Variants in KCNQ1 observed in about 807,000 individuals in gnomAD.
KCNQ1 encodes potassium voltage-gated channel subfamily KQT member 1.
A neutral mutation model predicts 72.4 loss-of-function variants in KCNQ1; 49 were observed. The ratio of observed to expected loss-of-function variants is 0.68; its 90% confidence interval spans 0.54 to 0.86. The LOEUF is 0.86. Ranked by LOEUF, KCNQ1 falls within the 40% of genes least tolerant of loss-of-function variation. The probability of loss-of-function intolerance (pLI) is 0.00; values close to 1 mark genes in which losing one functional copy is unlikely to be tolerated. For missense variants in KCNQ1, 790 were observed against 945.1 expected (o/e 0.84, Z 2.15); for synonymous variants, 450 against 412.6 (o/e 1.09, Z -1.10).
intron 1 of KCNQ1, among the ~76,000 whole-genome samples, chr11:2,523,726 G>A (rs1271548453): frequency 1.3e-5 from 2 of 149,752 alleles, no homozygotes; most frequent in Admixed American, 6.6e-5. Flanking sequence ...CTGTTCGCTC[G>A]CCTCTGCCTT....
chr11:2,566,738 C>T lies in KCNQ1; in HGVS notation c.478-3890C>T, dbSNP rs942764340. Among the ~76,000 whole-genome samples the T allele has an allele frequency of 5.3e-5, 8 of 152,148 alleles. No homozygotes were observed. The highest frequency in any genetic ancestry group is 1.9e-4 in the East Asian group (1 of 5,180). On this transcript the variant is annotated intron_variant, in intron 2 of 15. Transcript: ENST00000155840. The surrounding 1 kb of genome is among the most constrained non-coding windows in gnomAD (Gnocchi z 6.7). ...TCAGGGCCGCACTCCATCAGCATCCCGGGCCATTGCATCCTTGACCCCGGG... is the reference window on the plus strand; with the variant it reads ...TCAGGGCCGCACTCCATCAGCATCCTGGGCCATTGCATCCTTGACCCCGGG...
rs562743119 is a variant in KCNQ1 at position 2,655,790 on chromosome 11, G to C, written c.1394-6171G>C. On this transcript the variant is annotated intron_variant, in intron 10 of 15. Transcript: ENST00000155840. Reference sequence around the variant, plus strand: ...CTGGTCACTGCCTCCCTGTGGTGGAGAAAGCACGCCCCACAGTCTCCAACA... The same window carrying C: ...CTGGTCACTGCCTCCCTGTGGTGGACAAAGCACGCCCCACAGTCTCCAACA... 114 of 398,510 alleles carry C rather than the reference G, an allele frequency of 2.9e-4. 1 individual carries two copies. In the South Asian group the frequency reaches 4.8e-3, roughly 17 times the overall value. The allele number at this position is 398,510 out of a possible 1,614,324, so 24.7% of individuals were successfully genotyped here.
In KCNQ1 at chr11:2,679,880, C is replaced by T. The variant is rs530596774; in HGVS notation, c.1514+17799C>T. ...TTTTCATATAAACTTAGAACTAGCA[C>T]GCCTAATTTTTTTTTTATTTTTATT... is the stretch of plus-strand genomic sequence containing the variant. On this transcript the variant is annotated intron_variant, in intron 11 of 15. Coordinates refer to ENST00000155840, the MANE Select transcript of KCNQ1 (RefSeq NM_000218.3). This position sits in a 1 kb window ranked among gnomAD's most constrained non-coding sequence, Gnocchi z 4.8. The T allele has an allele frequency of 1.7e-4, 66 of 398,176 alleles. No individual in the cohort carries two copies. The highest frequency in any genetic ancestry group is 6.3e-4 in the Middle Eastern group (1 of 1,588). 24.7% of individuals were successfully genotyped at this position (398,176 alleles called of 1,614,324 possible). A position where few individuals can be genotyped will look rare whatever the true frequency, so the allele number is the denominator to read the frequency against.
At chr11:2,662,146 G>C in intron 11 of KCNQ1, 65 bp downstream of exon 11, 3 of 1,607,208 alleles carry the variant, frequency 1.9e-6, no homozygotes. Flanking sequence ...AGTCAGACTT[G>C]GTGCTGGGGA....
At position 2,479,820 on chromosome 11, in the gene KCNQ1, T is replaced by C. The variant is rs1406324153; in HGVS notation, c.386+34336T>C. Among the ~76,000 whole-genome samples, 2 of 152,244 alleles carry C rather than the reference T, an allele frequency of 1.3e-5. No individual in the cohort carries two copies. Among genetic ancestry groups the C allele is most frequent in the Admixed American group, 1.3e-4 (2 of 15,286 alleles). On this transcript the variant is annotated intron_variant, in intron 1 of 15. Coordinates refer to ENST00000155840, the MANE Select transcript of KCNQ1 (RefSeq NM_000218.3). The surrounding 1 kb of genome is among the most constrained non-coding windows in gnomAD (Gnocchi z 4.6). ...TCACATTTTCAGACTGCAAATTTTC[T>C]GAACTTTTATCTCTGTTTCCCTTTC...
chr11:2,774,079 A>G (rs903709879), intron 12 of KCNQ1, among the ~76,000 whole-genome samples: 2 of 151,530 alleles, frequency 1.3e-5, no homozygotes, highest in African/African-American at 2.4e-5. Context: ...AGAACTCAGT[A>G]TCTCCATCTT....
rs1477967004 is a variant in KCNQ1, at chr11:2,678,212, TGTCA to T, written c.1514+16135_1514+16138del. The T allele has an allele frequency of 3.0e-5, 12 of 398,292 alleles. No homozygotes were observed. The highest frequency in any genetic ancestry group is 8.8e-5 in the Admixed American group (2 of 22,716). The allele number at this position is 398,292 out of a possible 1,614,324, so 24.7% of individuals were successfully genotyped here. Reference sequence around the variant, plus strand: ...TTTTTTAATTTCACATAGTCAGCTGTGTCAGTCTTTTATGGTTTGAGGTCCTTAT... The same window carrying T: ...TTTTTTAATTTCACATAGTCAGCTGTGTCTTTTATGGTTTGAGGTCCTTAT... On this transcript the variant is annotated intron_variant, in intron 11 of 15. Coordinates refer to ENST00000155840, the MANE Select transcript of KCNQ1 (RefSeq NM_000218.3). This position sits in a 1 kb window ranked among gnomAD's most constrained non-coding sequence, Gnocchi z 4.9.
At chr11:2,662,685 G>T (rs1344729747) in intron 11 of KCNQ1, 1 of 403,384 alleles carries the variant, frequency 2.5e-6, no homozygotes, top group Non-Finnish European at 4.4e-6. Flanking sequence ...GGGGTGCCCA[G>T]CGGTGACAGC....
At chr11:2,788,591 G>C (rs1421290996) in intron 15 of KCNQ1, among the ~76,000 whole-genome samples, 1 of 149,772 alleles carries the variant, frequency 6.7e-6, no homozygotes, top group African/African-American at 2.5e-5. Context: ...TCTCTCTGCT[G>C]CTGGGCTGCT....
rs762781286 is a variant in KCNQ1, at chr11:2,769,201, C to T, written c.1590+282C>T. Among the ~76,000 whole-genome samples the T allele has an allele frequency of 1.8e-4, 27 of 152,098 alleles. No individual in the cohort carries two copies. The highest frequency in any genetic ancestry group is 2.8e-4 in the Non-Finnish European group (19 of 68,016). On this transcript the variant is annotated intron_variant, in intron 12 of 15. Transcript: ENST00000155840. This position sits in a 1 kb window ranked among gnomAD's most constrained non-coding sequence, Gnocchi z 4.6. ...GAAGGCAGCAGCCGTGTAGCTCACTCAGTCCTCCCGTGGGGTGGGTCGTGC... is the reference window on the plus strand; with the variant it reads ...GAAGGCAGCAGCCGTGTAGCTCACTTAGTCCTCCCGTGGGGTGGGTCGTGC...
rs1849205034 is a variant in KCNQ1 at position 2,623,339 on chromosome 11, C to T, written c.1393+34485C>T. 2.5e-6 allele frequency: 1 copy of T among 398,496 alleles called. No individual in the cohort carries two copies. Among genetic ancestry groups the T allele is most frequent in the African/African-American group, 2.1e-5 (1 of 48,608 alleles). The allele number at this position is 398,496 out of a possible 1,614,324, so 24.7% of individuals were successfully genotyped here. ...GAACGGACTAATATGCATGTATCTA[C>T]CATTATAGTATCATACAGATACGTA... On this transcript the variant is annotated intron_variant, in intron 10 of 15. Transcript: ENST00000155840. This position sits in a 1 kb window ranked among gnomAD's most constrained non-coding sequence, Gnocchi z 5.2.
Position 2,704,268 on chromosome 11 carries a change from G to A in KCNQ1, c.1514+42187G>A, listed in dbSNP as rs1314726251. ...TTCCGCCTCCTGTGGCCTGTGTGTC[G>A]CCTGCACCTGCATTCCACTGGGGCT... On this transcript the variant is annotated intron_variant, in intron 11 of 15. Coordinates refer to ENST00000155840, the MANE Select transcript of KCNQ1 (RefSeq NM_000218.3). This position sits in a 1 kb window ranked among gnomAD's most constrained non-coding sequence, Gnocchi z 4.3. Among the ~76,000 whole-genome samples, 4 of 152,202 alleles carry A rather than the reference G, an allele frequency of 2.6e-5. No individual in the cohort carries two copies. Among genetic ancestry groups the A allele is most frequent in the Non-Finnish European group, 5.9e-5 (4 of 68,040 alleles).
chr11:2,697,003 A>C (rs570139770), intron 11 of KCNQ1: 1 of 398,542 alleles, frequency 2.5e-6, no homozygotes, highest in African/African-American at 2.1e-5. Flanking sequence ...TAATTTTCAA[A>C]GTGTAGTCTG....
At chr11:2,512,326 G>T (rs986134997) in intron 1 of KCNQ1, among the ~76,000 whole-genome samples, 4 of 152,208 alleles carry the variant, frequency 2.6e-5, no homozygotes, top group Non-Finnish European at 4.4e-5. Context: ...GATGCCTGGG[G>T]CCACTGGGAT....
chr11:2,823,169 G>A (rs752085752), intron 15 of KCNQ1, among the ~76,000 whole-genome samples: 1 of 152,074 alleles, frequency 6.6e-6, no homozygotes, highest in Non-Finnish European at 1.5e-5. Context: ...GAACAGCAGA[G>A]ATAAAGACAA....
In KCNQ1 at chr11:2,847,726, C is replaced by T. The variant is rs1353794510; in HGVS notation, c.1795-41C>T. 2 of 1,544,252 alleles carry T rather than the reference C, an allele frequency of 1.3e-6. 1 individual carries two copies. Among genetic ancestry groups the T allele is most frequent in the South Asian group, 2.4e-5 (2 of 84,452 alleles). ...CTGAGGCTGTCTGCACACCTGGGTGCTTCCCACCACTGACTCTCTCGTCTG... is the reference window on the plus strand; with the variant it reads ...CTGAGGCTGTCTGCACACCTGGGTGTTTCCCACCACTGACTCTCTCGTCTG... On this transcript the variant is annotated intron_variant, in intron 15 of 15. Coordinates refer to ENST00000155840, the MANE Select transcript of KCNQ1 (RefSeq NM_000218.3).
Position 2,678,668 on chromosome 11 carries a change from G to A in KCNQ1, c.1514+16587G>A. On this transcript the variant is annotated intron_variant, in intron 11 of 15. Coordinates refer to ENST00000155840, the MANE Select transcript of KCNQ1 (RefSeq NM_000218.3). The surrounding 1 kb of genome is among the most constrained non-coding windows in gnomAD (Gnocchi z 4.9). ...CATTTTCACAAATGCAGTCAACCAGGGGAATTCATGGCATGGCCTAAGATC... is the reference window on the plus strand; with the variant it reads ...CATTTTCACAAATGCAGTCAACCAGAGGAATTCATGGCATGGCCTAAGATC... The A allele has an allele frequency of 2.5e-6, 1 of 398,584 alleles. No individual in the cohort carries two copies. The allele number at this position is 398,584 out of a possible 1,614,324, so 24.7% of individuals were successfully genotyped here.
At chr11:2,717,900 G>A (rs905206602) in intron 11 of KCNQ1, among the ~76,000 whole-genome samples, 1 of 152,214 alleles carries the variant, frequency 6.6e-6, no homozygotes, top group Non-Finnish European at 1.5e-5. Flanking sequence ...TGAGCCCCCC[G>A]GGGTATTAGC....
chr11:2,665,406 C>T (rs905642930), intron 11 of KCNQ1: 5 of 397,880 alleles, frequency 1.3e-5, no homozygotes, highest in African/African-American at 4.1e-5. Context: ...AGGATGAGTT[C>T]CTGGGATTCT....
Sources: allele counts gnomAD v4.1 joint callset (sites outside exome capture counted in the v4.1 genomes callset), GRCh38; gene constraint gnomAD v4.1.1; non-coding constraint Gnocchi (gnomAD v3.1); transcripts MANE v1.5; gene names NCBI Gene and HGNC (gene_info 2026-07-23, HGNC 2026-07-21).